Variants in CDH4 observed in about 807,000 individuals in gnomAD.
The protein encoded by CDH4 is cadherin 4.
A neutral mutation model predicts 86.0 loss-of-function variants in CDH4; 33 were observed. That is an observed-to-expected ratio of 0.38 (90% confidence interval 0.29 to 0.51). CDH4 has a LOEUF of 0.51. Ranked by LOEUF, CDH4 falls within the 20% of genes least tolerant of loss-of-function variation. The pLI is 0.86. For synonymous variants in CDH4, 555 were observed against 549.4 expected (o/e 1.01, Z -0.14); for missense variants, 1,114 against 1,307.4 (o/e 0.85, Z 2.28).
chr20:61,280,988 C>T (rs766296600), intron 2 of CDH4, among the ~76,000 whole-genome samples: 1 of 152,178 alleles, frequency 6.6e-6, no homozygotes, highest in Non-Finnish European at 1.5e-5. Flanking sequence ...TTCCATTTTC[C>T]AGGGTGACTA....
chr20:61,258,882 C>T (rs2084115160), intron 2 of CDH4, among the ~76,000 whole-genome samples: 1 of 152,222 alleles, frequency 6.6e-6, no homozygotes, highest in East Asian at 1.9e-4. Flanking sequence ...GGAAGACAAA[C>T]ACTTTCTCAG....
At chr20:61,759,028 CAT>C (rs1285026117) in intron 3 of CDH4, among the ~76,000 whole-genome samples, 3 of 152,172 alleles carry the variant, frequency 2.0e-5, no homozygotes, top group African/African-American at 2.4e-5. Context: ...TGTGTGTGCA[CAT>C]GTGTGCGTTC....
chr20:61,565,092 T>TGGTGGTGGTGG lies in CDH4; in HGVS notation c.170-178471_170-178470insGGTGGTGGTGG, dbSNP rs747308048. ...GGTGGTGGTGGTGGTGGTGGTGCTC[T>TGGTGGTGGTGG]TGGTGGTGCTCTTGGTGGTGCTGGT... On this transcript the variant is annotated intron_variant, in intron 2 of 15. Transcript: ENST00000614565. Among the ~76,000 whole-genome samples the TGGTGGTGGTGG allele has an allele frequency of 4.3e-3, 272 of 63,774 alleles. 3 individuals carry two copies. Among genetic ancestry groups the TGGTGGTGGTGG allele is most frequent in the Middle Eastern group, 0.037 (4 of 108 alleles). The allele number at this position is 63,774 out of a possible 152,430, so 41.8% of individuals were successfully genotyped here.
chr20:61,332,909 C>A (rs1229888131), intron 2 of CDH4, among the ~76,000 whole-genome samples: 2 of 152,232 alleles, frequency 1.3e-5, no homozygotes, highest in East Asian at 1.9e-4. Flanking sequence ...TCAGCCCCTG[C>A]GGAGGCTGAC....
intron 4 of CDH4, among the ~76,000 whole-genome samples, chr20:61,839,456 TGTG>T (rs781323890): frequency 3.3e-5 from 5 of 151,774 alleles, no homozygotes; most frequent in Non-Finnish European, 7.4e-5. Context: ...GAGTATGTGT[TGTG>T]TGTGCACTGT....
chr20:61,694,552 G>C (rs936965676), intron 2 of CDH4, among the ~76,000 whole-genome samples: 3 of 152,214 alleles, frequency 2.0e-5, no homozygotes, highest in Non-Finnish European at 4.4e-5. Flanking sequence ...GATGGAGGCT[G>C]TGCACCTTGG....
intron 2 of CDH4, among the ~76,000 whole-genome samples, chr20:61,554,784 A>G (rs528032180): frequency 6.6e-6 from 1 of 152,342 alleles, no homozygotes; most frequent in South Asian, 2.1e-4. Flanking sequence ...TGGTGTGAAC[A>G]TGTTTTCACA....
chr20:61,696,782 G>A (rs539986962), intron 2 of CDH4, among the ~76,000 whole-genome samples: 3 of 152,328 alleles, frequency 2.0e-5, no homozygotes, highest in South Asian at 2.1e-4. Context: ...CAGAACCCAT[G>A]AATAGGACAT....
intron 2 of CDH4, among the ~76,000 whole-genome samples, chr20:61,620,530 A>T (rs2086768279): frequency 6.6e-6 from 1 of 150,766 alleles, no homozygotes; most frequent in Non-Finnish European, 1.5e-5. Context: ...ACATACATAC[A>T]TACATGATAG....
At chr20:61,499,628 C>T (rs950684246) in intron 2 of CDH4, 4 of 761,816 alleles carry the variant, frequency 5.3e-6, no homozygotes, top group Non-Finnish European at 7.5e-6. Flanking sequence ...AGACCTCAGC[C>T]TGCAGACACA....
intron 2 of CDH4, among the ~76,000 whole-genome samples, chr20:61,690,616 A>G (rs2087642782): frequency 6.6e-6 from 1 of 152,032 alleles, no homozygotes; most frequent in South Asian, 2.1e-4. Context: ...GAGTGCTCTG[A>G]GCGTTGGACC....
chr20:61,644,447 C>T (rs928059029), intron 2 of CDH4, among the ~76,000 whole-genome samples: 1 of 152,194 alleles, frequency 6.6e-6, no homozygotes, highest in African/African-American at 2.4e-5. Context: ...ACCATCCTGC[C>T]TTGGCCTCCC....
rs185661705 is a variant in CDH4, at chr20:61,925,211, T to C, written c.1771+735T>C. Among the ~76,000 whole-genome samples, 39 of 152,256 alleles carry C rather than the reference T, an allele frequency of 2.6e-4. No individual in the cohort carries two copies. In the East Asian group the frequency reaches 6.9e-3, roughly 27 times the overall value. On this transcript the variant is annotated intron_variant, in intron 11 of 15. Coordinates refer to ENST00000614565, the MANE Select transcript of CDH4 (RefSeq NM_001794.5). The stretch of plus-strand genomic sequence containing the variant: ...AGCACGTGGGGCTTTCTGAGGGACA[T>C]GGGCCAGCATCTCAAGAAGCAGCCA...
intron 2 of CDH4, among the ~76,000 whole-genome samples, chr20:61,525,926 T>C (rs1418690516): frequency 6.6e-6 from 1 of 152,074 alleles, no homozygotes; most frequent in African/African-American, 2.4e-5. Flanking sequence ...ACTGACCCTG[T>C]GGGGACAGCT....
At chr20:61,373,712 C>T (rs1002067845) in intron 2 of CDH4, among the ~76,000 whole-genome samples, 4 of 152,140 alleles carry the variant, frequency 2.6e-5, no homozygotes, top group African/African-American at 7.2e-5. Flanking sequence ...CTGTTTTGTC[C>T]ACTGAGGAAT....
intron 6 of CDH4, among the ~76,000 whole-genome samples, chr20:61,868,377 C>T (rs1287050712): frequency 1.3e-5 from 2 of 152,194 alleles, no homozygotes; most frequent in African/African-American, 4.8e-5. Flanking sequence ...GGCAGCCTGG[C>T]TGGTTCCTGC....
At chr20:61,626,488 T>G in intron 2 of CDH4, among the ~76,000 whole-genome samples, 2 of 132,682 alleles carry the variant, frequency 1.5e-5, no homozygotes, top group Admixed American at 7.8e-5. Context: ...GTCAGTGCGT[T>G]GTGGGGGGTG....
chr20:61,520,709 G>A (rs773638373), intron 2 of CDH4, among the ~76,000 whole-genome samples: 2 of 151,060 alleles, frequency 1.3e-5, no homozygotes, highest in Admixed American at 6.6e-5. Context: ...GGAGGGAAGC[G>A]GTAAATCAGA....
Position 61,684,924 on chromosome 20 carries a change from CT to C in CDH4, c.170-58638del, listed in dbSNP as rs1194153546. 1.4e-5 allele frequency among the ~76,000 whole-genome samples: 2 copies of C among 138,564 alleles called. No individual in the cohort carries two copies. Among genetic ancestry groups the C allele is most frequent in the African/African-American group, 6.0e-5 (2 of 33,256 alleles). 90.9% of individuals were successfully genotyped at this position (138,564 alleles called of 152,430 possible). ...TATAAAAACTTACCGTGAAATTCCC[CT>C]GTTTAAAGTGTACAATTCAATGGTC... On this transcript the variant is annotated intron_variant, in intron 2 of 15. Transcript: ENST00000614565. This position sits in a 1 kb window ranked among gnomAD's most constrained non-coding sequence, Gnocchi z 4.5.
Sources: allele counts gnomAD v4.1 joint callset (sites outside exome capture counted in the v4.1 genomes callset), GRCh38; gene constraint gnomAD v4.1.1; non-coding constraint Gnocchi (gnomAD v3.1); transcripts MANE v1.5; gene names NCBI Gene and HGNC (gene_info 2026-07-23, HGNC 2026-07-21).